LETMD1: variants seen among roughly 807,000 people sequenced by gnomAD.
LETMD1 encodes LETM1 domain-containing protein 1.
In LETMD1, 30 loss-of-function variants were observed where a neutral mutation model predicts 43.9. That is an observed-to-expected ratio of 0.68 (90% CI 0.51 to 0.93). The LOEUF is 0.93. Ranked by LOEUF, LETMD1 falls within the 40% of genes least tolerant of loss-of-function variation. The pLI is 0.00. For synonymous variants in LETMD1, 176 were observed against 163.1 expected, an observed-to-expected ratio of 1.08 and a Z score of -0.60; for missense variants, 413 against 447.7, an observed-to-expected ratio of 0.92 and a Z score of 0.70.
chr12:51,053,539 T>A (rs1218082778), intron 3 of LETMD1, among the ~76,000 whole-genome samples: 2 of 151,468 alleles, frequency 1.3e-5, no homozygotes, highest in Non-Finnish European at 3.0e-5. Flanking sequence ...GCTACTCGGG[T>A]GGCTGAGGCA....
intron 3 of LETMD1, among the ~76,000 whole-genome samples, chr12:51,053,482 A>G (rs1946745877): frequency 6.6e-6 from 1 of 152,122 alleles, no homozygotes; most frequent in Non-Finnish European, 1.5e-5. Flanking sequence ...GTCTCGACTA[A>G]AAATACAAAA....
intron 3 of LETMD1, 66 bp downstream of exon 3, chr12:51,052,273 G>C: frequency 6.3e-7 from 1 of 1,579,212 alleles, no homozygotes; most frequent in Non-Finnish European, 8.6e-7. Flanking sequence ...AAGATCTCAA[G>C]GTTTTTTCTT....
At chr12:51,054,246 A>G (rs1946990560) in intron 4 of LETMD1, among the ~76,000 whole-genome samples, 1 of 152,208 alleles carries the variant, frequency 6.6e-6, no homozygotes, top group Non-Finnish European at 1.5e-5. Context: ...GACATTTCTT[A>G]ACTGTGATCT....
At chr12:51,064,314 C>T (rs564437526), downstream of LETMD1, 1 of 1,614,026 alleles carries the variant, frequency 6.2e-7, no homozygotes, top group African/African-American at 1.3e-5. Context: ...CACACCCAGG[C>T]TCTCGATGCT....
At chr12:51,058,282 C>G in intron 8 of LETMD1, 154 bp downstream of exon 8, 2 of 627,434 alleles carry the variant, frequency 3.2e-6, no homozygotes, top group Non-Finnish European at 5.7e-6. Flanking sequence ...ACTGCATGCC[C>G]GGCAGGTAAC....
At chr12:51,066,282 G>A in the LETMD1 span, among the ~76,000 whole-genome samples, 4 of 151,896 alleles carry the variant, frequency 2.6e-5, no homozygotes, top group East Asian at 1.9e-4. Context: ...GTGAAACGCC[G>A]TCTCTACTAA....
chr12:51,063,516 C>T (rs796949786), downstream of LETMD1: 20 of 350,030 alleles, frequency 5.7e-5, no homozygotes, highest in African/African-American at 3.7e-4. Flanking sequence ...TTCAGCACTA[C>T]GCAGCTTTCT....
chr12:51,048,826 C>T (rs1377445891), intron 1 of LETMD1: 3 of 604,978 alleles, frequency 5.0e-6, no homozygotes, highest in South Asian at 2.1e-5. Flanking sequence ...GAGGCATACC[C>T]TGAGTTACTT....
chr12:51,068,164 T>C, the LETMD1 span, among the ~76,000 whole-genome samples: 2 of 152,210 alleles, frequency 1.3e-5, no homozygotes, highest in East Asian at 3.8e-4. Context: ...TGTCATTTTA[T>C]TTATTTTTTT....
intron 3 of LETMD1, 25 bp from the exon 4 acceptor site, chr12:51,053,753 T>G: frequency 6.5e-7 from 1 of 1,548,508 alleles, no homozygotes; most frequent in Non-Finnish European, 8.9e-7. Flanking sequence ...GGGTTAAAAC[T>G]GCATCTGTGT....
At chr12:51,049,954 G>C (rs1285436908) in intron 2 of LETMD1, among the ~76,000 whole-genome samples, 1 of 152,164 alleles carries the variant, frequency 6.6e-6, no homozygotes, top group East Asian at 1.9e-4. Context: ...TGGTGCAAAA[G>C]TAATTGCGGC....
intron 2 of LETMD1, among the ~76,000 whole-genome samples, chr12:51,050,735 C>T (rs1024931999): frequency 4.6e-5 from 7 of 151,408 alleles, no homozygotes; most frequent in African/African-American, 1.5e-4. Context: ...TGCAAGAAGC[C>T]GGGCGCGGTG....
chr12:51,048,466 G>C lies in LETMD1; in HGVS notation c.110G>C (p.Trp37Ser), dbSNP rs1944959445. The C allele has an allele frequency of 6.2e-7, 1 of 1,613,456 alleles. No individual in the cohort carries two copies. The highest frequency in any genetic ancestry group is 1.7e-4 in the Middle Eastern group (1 of 6,050). Residue 37 changes from tryptophan (W) to serine (S), a missense_variant, in exon 1 of 9, where the codon TGG becomes TCG. Coordinates refer to ENST00000262055, the MANE Select transcript of LETMD1 (RefSeq NM_015416.5). ...RLQLGRSGLA[W>S]GAPRSSKLHL... ...CAACTTGGTCGCTCTGGCCTGGCTT[G>C]GGGGGCCCCTCGGTGAGGGACCTGT...
At position 51,051,715 on chromosome 12, in the gene LETMD1, GA is replaced by G. The variant is rs370087228; in HGVS notation, c.275-368del. ...AAGTGAGATTCCATCTCAAAAAAAA[GA>G]AAAAAAAAGTTCCAGAAAGGAGATT... On this transcript the variant is annotated intron_variant, in intron 2 of 8. Coordinates refer to ENST00000262055, the MANE Select transcript of LETMD1 (RefSeq NM_015416.5). Among the ~76,000 whole-genome samples, 62 of 151,032 alleles carry G rather than the reference GA, an allele frequency of 4.1e-4. 1 individual carries two copies. Among genetic ancestry groups the G allele is most frequent in the Middle Eastern group, 3.4e-3 (1 of 294 alleles).
rs1948649449 is a variant in LETMD1 at position 51,059,606 on chromosome 12, C to CT, written c.*176dup. The CT allele has an allele frequency of 1.6e-6, 1 of 638,534 alleles. No homozygotes were observed. The highest frequency in any genetic ancestry group is 2.2e-5 in the Admixed American group (1 of 45,306). The allele number at this position is 638,534 out of a possible 1,614,324, so 39.6% of individuals were successfully genotyped here. On this transcript the variant is annotated 3_prime_UTR_variant, in exon 9 of 9. Transcript: ENST00000262055. The stretch of plus-strand genomic sequence containing the variant: ...ACATGTGGGAACTGCAGACATTCCT[C>CT]TCACAGCTAGAACTGAAACAAACCC...
chr12:51,055,107 A>G (rs988932399), intron 4 of LETMD1, among the ~76,000 whole-genome samples: 2 of 152,090 alleles, frequency 1.3e-5, no homozygotes, highest in Non-Finnish European at 2.9e-5. Flanking sequence ...CTCAAAAAAA[A>G]AACAACAAAT....
intron 2 of LETMD1, among the ~76,000 whole-genome samples, chr12:51,051,524 T>C (rs1343690849): frequency 6.6e-6 from 1 of 151,882 alleles, no homozygotes; most frequent in South Asian, 2.1e-4. Context: ...CCTGTCCACA[T>C]GGTGAAACCC....
chr12:51,059,551 G>C lies in LETMD1; in HGVS notation c.*120G>C. On this transcript the variant is annotated 3_prime_UTR_variant, in exon 9 of 9. Coordinates refer to ENST00000262055, the MANE Select transcript of LETMD1 (RefSeq NM_015416.5). ...AAGTGTGTGGGAGGCAGAGAGAGGA[G>C]CAGGGGCCATGGGCTTCACAGCATG... The C allele has an allele frequency of 1.2e-6, 1 of 865,720 alleles. No homozygotes were observed. Among genetic ancestry groups the C allele is most frequent in the Admixed American group, 1.9e-5 (1 of 51,640 alleles). The allele number at this position is 865,720 out of a possible 1,614,324, so 53.6% of individuals were successfully genotyped here.
chr12:51,064,059 G>A (rs771239042), downstream of LETMD1: 1 of 1,614,232 alleles, frequency 6.2e-7, no homozygotes, highest in Non-Finnish European at 8.5e-7. Context: ...GAAAGAGGCT[G>A]AGCCTTCTTC....
Sources: allele counts gnomAD v4.1 joint callset (sites outside exome capture counted in the v4.1 genomes callset), GRCh38; gene constraint gnomAD v4.1.1; transcripts MANE v1.5; gene names NCBI Gene and HGNC (gene_info 2026-07-23, HGNC 2026-07-21).